Variants in SEMA4B observed in about 807,000 individuals in gnomAD.
SEMA4B encodes the protein semaphorin 4B, also known as semaphorin-4B.
Under a neutral mutation model 88.1 loss-of-function variants are expected in SEMA4B, and 55 were observed. That is an observed-to-expected ratio of 0.62 (90% CI 0.50 to 0.78). The LOEUF (loss-of-function observed/expected upper bound fraction) is 0.78. Ranked by LOEUF, SEMA4B falls within the 30% of genes least tolerant of loss-of-function variation. The pLI is 0.00. For missense variants in SEMA4B, 1,062 were observed against 1,111.9 expected (o/e 0.96, Z 0.64); for synonymous variants, 525 against 473.6 (o/e 1.11, Z -1.41).
chr15:90,191,465 C>CA (rs1003930501), intron 1 of SEMA4B, among the ~76,000 whole-genome samples: 11 of 152,236 alleles, frequency 7.2e-5, no homozygotes, highest in Non-Finnish European at 1.5e-4. Flanking sequence ...ACTGAGCATT[C>CA]ACTACATGCC....
chr15:90,221,441 C>G lies in SEMA4B; in HGVS notation c.670C>G (p.Arg224Gly), dbSNP rs1187269596. Residue 224 changes from arginine to glycine, a missense_variant, in exon 6 of 14, where the codon CGC (arginine) becomes GGC (glycine). By Grantham distance (125) the Arg-to-Gly change is moderately radical. Transcript: ENST00000411539. ...GGCCATCTCGCGGAGCCAAAGCCTT[C>G]GCCCCACCAAGACCGAGAGCTCCCT... is the stretch of plus-strand genomic sequence containing the variant. ...DPAISRSQSL[R>G]PTKTESSLNW... 1 of 1,588,428 alleles carries G rather than the reference C, an allele frequency of 6.3e-7. No homozygotes were observed. The highest frequency in any genetic ancestry group is 8.6e-7 in the Non-Finnish European group (1 of 1,167,948).
rs933884996 is a variant in SEMA4B, at chr15:90,217,699, A to G, written c.322-68A>G. On this transcript the variant is annotated intron_variant, in intron 2 of 13. Coordinates refer to ENST00000411539, the MANE Select transcript of SEMA4B (RefSeq NM_198925.4). The stretch of plus-strand genomic sequence containing the variant: ...CCTTCTGGGTCCAAGGATGATGCCT[A>G]TGGGAGAGGAGGGAGGCTCAGCAAA... 1.2e-5 allele frequency: 19 copies of G among 1,602,354 alleles called. No homozygotes were observed. In the Middle Eastern group the frequency reaches 5.0e-4, roughly 42 times the overall value.
At position 90,223,642 on chromosome 15, in the gene SEMA4B, TG is replaced by T; in HGVS notation, c.947del (p.Gly316AlafsTer13). ...AGCTGCTGTGCTCACGGCCCGACGA[TG>T]GCTTCCCCTTCAACGTGCTGCAGGA... ...AQLLCSRPDD[G>X]FPFNVLQDVF... On this transcript the variant is annotated frameshift_variant, in exon 8 of 14. Coordinates refer to ENST00000411539, the MANE Select transcript of SEMA4B (RefSeq NM_198925.4). LOFTEE classifies it high-confidence loss of function. 2 of 1,613,608 alleles carry T rather than the reference TG, an allele frequency of 1.2e-6. No individual in the cohort carries two copies. The highest frequency in any genetic ancestry group is 1.7e-6 in the Non-Finnish European group (2 of 1,179,818).
chr15:90,218,856 C>T (rs545029701), intron 3 of SEMA4B, among the ~76,000 whole-genome samples: 1 of 151,976 alleles, frequency 6.6e-6, no homozygotes, highest in East Asian at 1.9e-4. Context: ...ATTGGCGGGG[C>T]GTGGGATGGA....
intron 1 of SEMA4B, among the ~76,000 whole-genome samples, chr15:90,213,915 G>A (rs1357471864): frequency 6.6e-6 from 1 of 152,214 alleles, no homozygotes; most frequent in African/African-American, 2.4e-5. Context: ...TCATTGAGAC[G>A]ATGTCTCTGC....
At chr15:90,193,424 G>T (rs1252388372) in intron 1 of SEMA4B, 1 of 152,238 alleles carries the variant, frequency 6.6e-6, no homozygotes. Context: ...CCCTCATTTT[G>T]TCAGCCCTGT....
In SEMA4B at chr15:90,225,187, C is replaced by G. The variant is rs911887815; in HGVS notation, c.1405+9C>G. 6.3e-7 allele frequency: 1 copy of G among 1,586,280 alleles called. No homozygotes were observed. Among genetic ancestry groups the G allele is most frequent in the Non-Finnish European group, 8.6e-7 (1 of 1,166,006 alleles). ...CCTCTTCCTGGGCACTGGTAAGTGTCTGCAGCCCAGCAGGCTCAGGGGAAG... is the reference window on the plus strand; with the variant it reads ...CCTCTTCCTGGGCACTGGTAAGTGTGTGCAGCCCAGCAGGCTCAGGGGAAG... On this transcript the variant is annotated intron_variant, in intron 10 of 13. Coordinates refer to ENST00000411539, the MANE Select transcript of SEMA4B (RefSeq NM_198925.4).
At chr15:90,210,479 G>A (rs1330519141) in intron 1 of SEMA4B, among the ~76,000 whole-genome samples, 1 of 152,216 alleles carries the variant, frequency 6.6e-6, no homozygotes, top group African/African-American at 2.4e-5. Context: ...TGAGGCAGGA[G>A]GGTGGTCATC....
intron 11 of SEMA4B, 36 bp downstream of exon 11, chr15:90,225,433 T>C: frequency 6.5e-7 from 1 of 1,528,384 alleles, no homozygotes; most frequent in Non-Finnish European, 8.9e-7. Context: ...GCAGGGTACT[T>C]GGGGGGTGCC....
In SEMA4B at chr15:90,228,822, C is replaced by A; in HGVS notation, c.*179C>A. 1.2e-6 allele frequency: 1 copy of A among 809,380 alleles called. No homozygotes were observed. The highest frequency in any genetic ancestry group is 1.9e-6 in the Non-Finnish European group (1 of 528,608). The allele number at this position is 809,380 out of a possible 1,614,324, so 50.1% of individuals were successfully genotyped here. ...GTCAAGTAGCGAAGCTCCTACCACC[C>A]AGACACCCAAACAGCCGTGGCCCCA... On this transcript the variant is annotated 3_prime_UTR_variant, in exon 14 of 14. Coordinates refer to ENST00000411539, the MANE Select transcript of SEMA4B (RefSeq NM_198925.4).
Position 90,229,581 on chromosome 15 carries a change from A to C in SEMA4B, c.*938A>C, listed in dbSNP as rs547967038. The C allele has an allele frequency of 6.2e-4, 207 of 335,876 alleles. 3 individuals carry two copies. Among genetic ancestry groups the C allele is most frequent in the South Asian group, 3.9e-3 (176 of 45,412 alleles). 20.8% of individuals were successfully genotyped at this position (335,876 alleles called of 1,614,324 possible). A position where few individuals can be genotyped will look rare whatever the true frequency, so the allele number is the denominator to read the frequency against. ...ACACTGCCCAGCACAGGGGCCCTGA[A>C]TTTATGTGGTTTTTATACATTTTTT... is the stretch of plus-strand genomic sequence containing the variant. On this transcript the variant is annotated 3_prime_UTR_variant, in exon 14 of 14. Coordinates refer to ENST00000411539, the MANE Select transcript of SEMA4B (RefSeq NM_198925.4).
chr15:90,201,378 C>T lies in SEMA4B; in HGVS notation c.-201C>T, dbSNP rs1960711270. On this transcript the variant is annotated 5_prime_UTR_variant, in exon 1 of 14. Coordinates refer to ENST00000411539, the MANE Select transcript of SEMA4B (RefSeq NM_198925.4). ...GCCGAGGCTGCGGGGCCGGCGCCGG[C>T]GGGAGGACTGCGGTGCCCCGCGGAG... is the stretch of plus-strand genomic sequence containing the variant. 3 of 1,254,104 alleles carry T rather than the reference C, an allele frequency of 2.4e-6. No homozygotes were observed. Among genetic ancestry groups the T allele is most frequent in the Admixed American group, 4.3e-5 (1 of 23,062 alleles). 77.7% of individuals were successfully genotyped at this position (1,254,104 alleles called of 1,614,324 possible).
At chr15:90,221,568 C>G (rs892966263) in intron 6 of SEMA4B, 46 bp from the exon 7 acceptor site, 2 of 1,610,678 alleles carry the variant, frequency 1.2e-6, no homozygotes, top group Non-Finnish European at 1.7e-6. Context: ...TGGCCTGTCT[C>G]CAGGGTTCCT....
At position 90,228,418 on chromosome 15, in the gene SEMA4B, G is replaced by A; in HGVS notation, c.2289G>A (p.Val763=). The stretch of plus-strand genomic sequence containing the variant: ...GCGTGCACCCCAAGACCTGCCCTGT[G>A]GTGCTGCCCCCTGAGACCCGCCCAC... ...CASVHPKTCP[V]VLPPETRPLN... The change falls in exon 14 of 14, where the codon GTG becomes GTA. Residue 763 remains valine, a synonymous_variant. Transcript: ENST00000411539. 1 of 1,605,422 alleles carries A rather than the reference G, an allele frequency of 6.2e-7. No homozygotes were observed. The highest frequency in any genetic ancestry group is 8.5e-7 in the Non-Finnish European group (1 of 1,175,796).
At chr15:90,195,045 C>CTT (rs750709856) in intron 1 of SEMA4B, among the ~76,000 whole-genome samples, 1 of 143,214 alleles carries the variant, frequency 7.0e-6, no homozygotes, top group South Asian at 2.2e-4. Context: ...TGCTCCATGG[C>CTT]TTTTTTTTTT....
upstream of SEMA4B, among the ~76,000 whole-genome samples, chr15:90,200,464 A>G (rs1960663482): frequency 6.6e-6 from 1 of 152,138 alleles, no homozygotes; most frequent in Admixed American, 6.5e-5. Flanking sequence ...GATAGTTTCT[A>G]TGTTTTGTTT....
At chr15:90,224,866 C>A (rs916468102) in intron 9 of SEMA4B, 102 bp from the exon 10 acceptor site, 4 of 951,318 alleles carry the variant, frequency 4.2e-6, no homozygotes, top group African/African-American at 3.2e-5. Context: ...TGGCTCCGGG[C>A]GGGGGGACAG....
chr15:90,209,929 G>A lies in SEMA4B; in HGVS notation c.158-7510G>A, dbSNP rs147221584. On this transcript the variant is annotated intron_variant, in intron 1 of 13. Coordinates refer to ENST00000411539, the MANE Select transcript of SEMA4B (RefSeq NM_198925.4). ...CTAGCAAGTTAGGAGCTTGGACGACGGGGTGCTATTGAAGTTTTTAGGCAG... is the reference window on the plus strand; with the variant it reads ...CTAGCAAGTTAGGAGCTTGGACGACAGGGTGCTATTGAAGTTTTTAGGCAG... Among the ~76,000 whole-genome samples the A allele has an allele frequency of 2.3e-3, 349 of 152,254 alleles. 6 individuals are homozygous for A. In the East Asian group the frequency reaches 0.038, roughly 17 times the overall value.
At position 90,213,719 on chromosome 15, in the gene SEMA4B, G is replaced by T. The variant is rs73477878; in HGVS notation, c.158-3720G>T. On this transcript the variant is annotated intron_variant, in intron 1 of 13. Transcript: ENST00000411539. Reference sequence around the variant, plus strand: ...TTACAGGGCCTGCCCAGGTGGAAACGCTCTTTTGCAGGTAGATAAGCACGG... The same window carrying T: ...TTACAGGGCCTGCCCAGGTGGAAACTCTCTTTTGCAGGTAGATAAGCACGG... Among the ~76,000 whole-genome samples the T allele has an allele frequency of 6.3e-3, 955 of 152,344 alleles. 9 individuals carry two copies. The highest frequency in any genetic ancestry group is 0.022 in the African/African-American group (916 of 41,580).
Sources: allele counts gnomAD v4.1 joint callset (sites outside exome capture counted in the v4.1 genomes callset), GRCh38; gene constraint gnomAD v4.1.1; transcripts MANE v1.5; gene names NCBI Gene and HGNC (gene_info 2026-07-23, HGNC 2026-07-21).